The following EPB41L4A variants were observed in gnomAD, a reference collection of about 807,000 sequenced individuals.
EPB41L4A encodes erythrocyte membrane protein band 4.1 like 4A.
Under a neutral mutation model 108.6 loss-of-function variants are expected in EPB41L4A, and 100 were observed. The ratio of observed to expected loss-of-function variants is 0.92; its 90% CI spans 0.78 to 1.09. The LOEUF is 1.09. EPB41L4A is among the 50% of genes least tolerant of loss of function. The pLI is 0.00. For missense variants in EPB41L4A, 1,030 were observed against 842.7 expected, an observed-to-expected ratio of 1.22 and a Z score of -2.75; for synonymous variants, 319 against 289.0, an observed-to-expected ratio of 1.10 and a Z score of -1.05.
At chr5:112,341,502 A>C (rs539309012) in intron 1 of EPB41L4A, among the ~76,000 whole-genome samples, 1 of 152,342 alleles carries the variant, frequency 6.6e-6, no homozygotes, top group Non-Finnish European at 1.5e-5. Flanking sequence ...TATCACAGCA[A>C]TAGGATCCTC....
chr5:112,253,567 T>C (rs1168653602), intron 9 of EPB41L4A, among the ~76,000 whole-genome samples: 2 of 151,954 alleles, frequency 1.3e-5, no homozygotes, highest in Non-Finnish European at 2.9e-5. Context: ...TATATCATTA[T>C]TAATGTATTA....
intron 15 of EPB41L4A, among the ~76,000 whole-genome samples, chr5:112,200,267 T>C (rs944395903): frequency 5.3e-5 from 8 of 152,180 alleles, no homozygotes; most frequent in Non-Finnish European, 1.0e-4. Flanking sequence ...GGCGCAAGCA[T>C]CCAACCTCAG....
chr5:112,333,453 G>C (rs755862840), intron 1 of EPB41L4A, among the ~76,000 whole-genome samples: 2 of 152,186 alleles, frequency 1.3e-5, no homozygotes, highest in Non-Finnish European at 2.9e-5. Flanking sequence ...CAAGCCCCAG[G>C]AGAAGGAGTG....
chr5:112,272,762 C>T (rs1580581890), intron 4 of EPB41L4A, among the ~76,000 whole-genome samples: 1 of 72,858 alleles, frequency 1.4e-5, no homozygotes, highest in Non-Finnish European at 2.4e-5. Context: ...GTCTGGGTGA[C>T]AAGAGCAAAA....
At chr5:112,180,853 T>C (rs1761110794) in intron 18 of EPB41L4A, among the ~76,000 whole-genome samples, 1 of 151,914 alleles carries the variant, frequency 6.6e-6, no homozygotes. Context: ...AACCTACAAA[T>C]GAATAAGAAA....
chr5:112,307,835 A>T (rs1036957847), intron 1 of EPB41L4A, among the ~76,000 whole-genome samples: 1 of 152,166 alleles, frequency 6.6e-6, no homozygotes, highest in Admixed American at 6.5e-5. Flanking sequence ...TCAAAAAAAC[A>T]CTTTGTTTAA....
downstream of EPB41L4A, chr5:112,158,373 C>T: frequency 2.8e-6 from 1 of 360,898 alleles, no homozygotes; most frequent in Non-Finnish European, 5.5e-6. Flanking sequence ...TTAAACTAAC[C>T]CATATAGTAC....
intron 12 of EPB41L4A, among the ~76,000 whole-genome samples, chr5:112,151,822 C>T (rs1182339285): frequency 6.6e-6 from 1 of 152,136 alleles, no homozygotes; most frequent in Non-Finnish European, 1.5e-5. Context: ...CCTCCGCCTC[C>T]CGGATTCAAG....
intron 18 of EPB41L4A, 83 bp downstream of exon 18, chr5:112,183,932 TA>T: frequency 6.6e-7 from 1 of 1,516,516 alleles, no homozygotes; most frequent in Non-Finnish European, 9.0e-7. Context: ...CTAGTTGAAC[TA>T]AAACACTTTA....
chr5:112,238,717 A>T lies in EPB41L4A; in HGVS notation c.965+943T>A, dbSNP rs116593542. 3.6e-3 allele frequency among the ~76,000 whole-genome samples: 550 copies of T among 151,844 alleles called. 7 individuals carry two copies. Among genetic ancestry groups the T allele is most frequent in the African/African-American group, 0.013 (525 of 41,380 alleles). On this transcript the variant is annotated intron_variant, in intron 11 of 22. Transcript: ENST00000261486. Reference sequence around the variant, plus strand: ...TGCTTGGGTTTTACAAGGCCTGGGGACCTCCCTCACTGTTTGAATAATACT... The same window carrying T: ...TGCTTGGGTTTTACAAGGCCTGGGGTCCTCCCTCACTGTTTGAATAATACT...
intron 1 of EPB41L4A, among the ~76,000 whole-genome samples, chr5:112,327,593 G>A (rs1037845815): frequency 6.6e-6 from 1 of 152,096 alleles, no homozygotes; most frequent in Non-Finnish European, 1.5e-5. Context: ...ACATACAACT[G>A]TAGCCCTAAC....
intron 2 of EPB41L4A, among the ~76,000 whole-genome samples, chr5:112,290,012 T>A (rs1482810681): frequency 6.6e-6 from 1 of 152,222 alleles, no homozygotes; most frequent in African/African-American, 2.4e-5. Flanking sequence ...ATGCCCTTTA[T>A]GTCTTCATCC....
intron 22 of EPB41L4A, among the ~76,000 whole-genome samples, chr5:112,167,413 T>G (rs1760315976): frequency 6.6e-6 from 1 of 152,212 alleles, no homozygotes; most frequent in Non-Finnish European, 1.5e-5. Flanking sequence ...ATTATGCAGA[T>G]TATAGTAGAA....
chr5:112,261,405 A>T (rs866153008), intron 7 of EPB41L4A, among the ~76,000 whole-genome samples: 8 of 152,128 alleles, frequency 5.3e-5, no homozygotes, highest in Admixed American at 1.3e-4. Context: ...CCAATTGATT[A>T]AAAAAAATCA....
intron 18 of EPB41L4A, among the ~76,000 whole-genome samples, chr5:112,172,242 G>A (rs1760620812): frequency 6.6e-6 from 1 of 152,202 alleles, no homozygotes; most frequent in African/African-American, 2.4e-5. Context: ...TGGGCATAGT[G>A]GCTCAAGCCT....
chr5:112,261,466 G>A (rs900164733), intron 7 of EPB41L4A, among the ~76,000 whole-genome samples: 3 of 152,062 alleles, frequency 2.0e-5, no homozygotes, highest in Non-Finnish European at 4.4e-5. Context: ...TAAAGTACCT[G>A]GCTCATTTCC....
chr5:112,182,313 A>G (rs1194898511), intron 18 of EPB41L4A, among the ~76,000 whole-genome samples: 2 of 152,194 alleles, frequency 1.3e-5, no homozygotes, highest in Admixed American at 6.5e-5. Flanking sequence ...CCACTTGACT[A>G]AAAAATTATT....
At chr5:112,244,740 C>G (rs1561506251) in intron 9 of EPB41L4A, among the ~76,000 whole-genome samples, 1 of 152,128 alleles carries the variant, frequency 6.6e-6, no homozygotes, top group East Asian at 1.9e-4. Flanking sequence ...GGAAGATGGA[C>G]CCACCATTTT....
rs914106635 is a variant in EPB41L4A at position 112,193,566 on chromosome 5, G to A, written c.1502+1002C>T. ...TCTGCCTGCCTTGGCCTCCCAAAGT[G>A]CTGGGATTACAGGCGTGAGCCACCG... On this transcript the variant is annotated intron_variant, in intron 17 of 22. Transcript: ENST00000261486. Among the ~76,000 whole-genome samples the A allele has an allele frequency of 2.7e-4, 41 of 152,222 alleles. 1 individual carries two copies. The highest frequency in any genetic ancestry group is 9.9e-4 in the African/African-American group (41 of 41,456).
Sources: gnomAD v4.1 joint callset for allele counts (sites outside exome capture counted in the v4.1 genomes callset) on GRCh38, gnomAD v4.1.1 for gene constraint, MANE v1.5 for transcripts, NCBI Gene and HGNC (gene_info 2026-07-23, HGNC 2026-07-21) for gene names.